Variants in PPP6R2 observed in about 807,000 individuals in gnomAD.
PPP6R2 encodes serine/threonine-protein phosphatase 6 regulatory subunit 2.
Under a neutral mutation model 100.2 loss-of-function variants are expected in PPP6R2, and 62 were observed. The ratio of observed to expected loss-of-function variants is 0.62; its 90% CI spans 0.50 to 0.76. The LOEUF (loss-of-function observed/expected upper bound fraction) is 0.76. Among genes scored for constraint, PPP6R2 ranks in the 30% least tolerant of loss-of-function variants. PPP6R2 has a pLI of 0.00. For synonymous variants in PPP6R2, 525 were observed against 514.7 expected, an observed-to-expected ratio of 1.02 and a Z score of -0.27; for missense variants, 1,142 against 1,276.3, an observed-to-expected ratio of 0.89 and a Z score of 1.60.
intron 6 of PPP6R2, among the ~76,000 whole-genome samples, chr22:50,417,734 C>T (rs1177018437): frequency 2.0e-5 from 3 of 152,148 alleles, no homozygotes; most frequent in African/African-American, 4.8e-5. Flanking sequence ...GCAAGGAGGC[C>T]GCCCTGCCTG....
intron 15 of PPP6R2, 22 bp from the exon 16 acceptor site, chr22:50,437,484 T>TGC: frequency 7.4e-6 from 4 of 542,084 alleles, no homozygotes; most frequent in Non-Finnish European, 1.1e-5. Context: ...TGTCCGTCCC[T>TGC]CCCTCCCTCC....
chr22:50,409,778 GTGCAGTGGC>G (rs971897169), intron 4 of PPP6R2, among the ~76,000 whole-genome samples: 2 of 152,202 alleles, frequency 1.3e-5, no homozygotes, highest in African/African-American at 4.8e-5. Flanking sequence ...CAAGGCTGGA[GTGCAGTGGC>G]GTGACCTTGG....
At chr22:50,392,880 C>T (rs984522109) in intron 2 of PPP6R2, among the ~76,000 whole-genome samples, 1 of 152,194 alleles carries the variant, frequency 6.6e-6, no homozygotes, top group African/African-American at 2.4e-5. Flanking sequence ...GCATTTACAT[C>T]TGTGGTCAGC....
Position 50,420,362 on chromosome 22 carries a change from T to C in PPP6R2, c.845+900T>C, listed in dbSNP as rs188093355. On this transcript the variant is annotated intron_variant, in intron 8 of 23. Transcript: ENST00000612753. ...AGCTTGCTTGGAGGTGCTCCTTTGCTGTGACCCCACATCGCTGTCCTGAGG... is the reference window on the plus strand; with the variant it reads ...AGCTTGCTTGGAGGTGCTCCTTTGCCGTGACCCCACATCGCTGTCCTGAGG... 8.3e-4 allele frequency among the ~76,000 whole-genome samples: 126 copies of C among 152,322 alleles called. 1 individual carries two copies. Among genetic ancestry groups the C allele is most frequent in the Non-Finnish European group, 7.8e-4 (53 of 68,030 alleles).
At chr22:50,394,324 G>A (rs990315049) in intron 3 of PPP6R2, among the ~76,000 whole-genome samples, 189 bp downstream of exon 3, 6 of 152,206 alleles carry the variant, frequency 3.9e-5, no homozygotes, top group Non-Finnish European at 8.8e-5. Flanking sequence ...ATTGGGTGCA[G>A]TGGCTCACGC....
intron 3 of PPP6R2, among the ~76,000 whole-genome samples, chr22:50,399,372 A>G (rs190119254): frequency 7.8e-4 from 119 of 152,368 alleles, no homozygotes; most frequent in African/African-American, 2.9e-3. Context: ...AGAAAATAGT[A>G]AACAAATGGA....
intron 2 of PPP6R2, among the ~76,000 whole-genome samples, chr22:50,386,969 C>T (rs1000249163): frequency 6.6e-6 from 1 of 152,202 alleles, no homozygotes; most frequent in Non-Finnish European, 1.5e-5. Flanking sequence ...TCCAGGCCCT[C>T]TCTTCCTATC....
At chr22:50,361,875 C>T (rs564851207) in intron 1 of PPP6R2, among the ~76,000 whole-genome samples, 1 of 152,168 alleles carries the variant, frequency 6.6e-6, no homozygotes, top group African/African-American at 2.4e-5. Context: ...CTCTCTAGGC[C>T]CCTTGGAGGC....
At chr22:50,352,769 AACG>A (rs1360149256) in intron 1 of PPP6R2, among the ~76,000 whole-genome samples, 5 of 151,564 alleles carry the variant, frequency 3.3e-5, no homozygotes, top group African/African-American at 1.2e-4. Context: ...AAACAACAAC[AACG>A]TAACTTTCTG....
Position 50,360,593 on chromosome 22 carries a change from G to A in PPP6R2, c.-147-11427G>A, listed in dbSNP as rs2047597719. On this transcript the variant is annotated intron_variant, in intron 1 of 23. Transcript: ENST00000612753. ...TGCTCAGGCTGGTCTTGAACTCCTG[G>A]CTTCAAGCAATCCTCCTGCCTGGAC... Among the ~76,000 whole-genome samples, 3 of 152,072 alleles carry A rather than the reference G, an allele frequency of 2.0e-5. No homozygotes were observed. In the South Asian group the frequency reaches 6.2e-4, roughly 32 times the overall value.
At chr22:50,419,102 C>T in intron 7 of PPP6R2, 123 bp downstream of exon 7, 6 of 848,820 alleles carry the variant, frequency 7.1e-6, no homozygotes, top group Non-Finnish European at 1.1e-5. Flanking sequence ...CGAATGAACC[C>T]CAGGTTCAGA....
chr22:50,385,983 C>T (rs1355584326), intron 2 of PPP6R2, among the ~76,000 whole-genome samples: 44 of 150,506 alleles, frequency 2.9e-4, no homozygotes, highest in African/African-American at 1.1e-3. Flanking sequence ...GCCACCACGC[C>T]AGGCTAATTT....
upstream of PPP6R2, among the ~76,000 whole-genome samples, chr22:50,343,101 C>T (rs2042590355): frequency 6.6e-6 from 1 of 152,108 alleles, no homozygotes; most frequent in African/African-American, 2.4e-5. Flanking sequence ...CAAAGGGAAA[C>T]GTAAAAGGGG....
intron 2 of PPP6R2, among the ~76,000 whole-genome samples, chr22:50,383,812 G>A (rs1207601859): frequency 2.0e-5 from 3 of 151,744 alleles, no homozygotes; most frequent in Non-Finnish European, 4.4e-5. Flanking sequence ...TGAGGTGGGC[G>A]GATCACCTGA....
rs187497873 is a variant in PPP6R2, at chr22:50,367,869, G to A, written c.-147-4151G>A. Among the ~76,000 whole-genome samples, 10 of 152,182 alleles carry A rather than the reference G, an allele frequency of 6.6e-5. No individual in the cohort carries two copies. In the East Asian group the frequency reaches 1.9e-3, roughly 29 times the overall value. On this transcript the variant is annotated intron_variant, in intron 1 of 23. Coordinates refer to ENST00000612753, the MANE Select transcript of PPP6R2 (RefSeq NM_001242898.2). ...TGGGGGACCACTACTACCAAGACACGGAGACCCGTAGTGGCCCCGAATGCC... is the reference window on the plus strand; with the variant it reads ...TGGGGGACCACTACTACCAAGACACAGAGACCCGTAGTGGCCCCGAATGCC...
intron 1 of PPP6R2, among the ~76,000 whole-genome samples, chr22:50,346,596 C>A (rs935930033): frequency 4.3e-5 from 6 of 137,984 alleles, no homozygotes; most frequent in African/African-American, 1.7e-4. Context: ...GCTAGCTAGT[C>A]ATTGCACCTC....
chr22:50,368,836 T>C (rs2049330031), intron 1 of PPP6R2, among the ~76,000 whole-genome samples: 1 of 141,204 alleles, frequency 7.1e-6, no homozygotes, highest in Admixed American at 6.9e-5. Context: ...GCTGGTGCTG[T>C]TTAGGGACAC....
rs557065444 is a variant in PPP6R2 at position 50,423,004 on chromosome 22, G to A, written c.973-458G>A. Among the ~76,000 whole-genome samples the A allele has an allele frequency of 2.2e-3, 328 of 152,146 alleles. 1 individual carries two copies. Among genetic ancestry groups the A allele is most frequent in the African/African-American group, 7.7e-3 (318 of 41,438 alleles). ...AGTGTGGGGGATCAGAAAAGACCGC[G>A]GTCCATCGGAGGAGGCATTCCCGTC... is the stretch of plus-strand genomic sequence containing the variant. On this transcript the variant is annotated intron_variant, in intron 9 of 23. Transcript: ENST00000612753. The surrounding 1 kb of genome is among the most constrained non-coding windows in gnomAD (Gnocchi z 4.8).
Position 50,414,331 on chromosome 22 carries a change from G to GCCCCCCCCCCCCCCCCCCCCCC in PPP6R2, c.415-202_415-201insCCCCCCCCCCCCCCCCCCCCCC, listed in dbSNP as rs57634612. Among the ~76,000 whole-genome samples, 30 of 26,800 alleles carry GCCCCCCCCCCCCCCCCCCCCCC rather than the reference G, an allele frequency of 1.1e-3. 1 individual carries two copies. The highest frequency in any genetic ancestry group is 2.4e-3 in the Non-Finnish European group (22 of 9,026). The allele number at this position is 26,800 out of a possible 152,430, so 17.6% of individuals were successfully genotyped here. On this transcript the variant is annotated intron_variant, in intron 4 of 23. Coordinates refer to ENST00000612753, the MANE Select transcript of PPP6R2 (RefSeq NM_001242898.2). ...GAGCCACAGGGGTCCCTGTGCAGTG[G>GCCCCCCCCCCCCCCCCCCCCCC]CCCCCCCCCCCCCCCCCCCGCCCAG...
Sources: gnomAD v4.1 joint callset for allele counts (sites outside exome capture counted in the v4.1 genomes callset) on GRCh38, gnomAD v4.1.1 for gene constraint, Gnocchi (gnomAD v3.1) non-coding constraint, MANE v1.5 for transcripts, NCBI Gene and HGNC (gene_info 2026-07-23, HGNC 2026-07-21) for gene names.